The following ADGRB1 variants were observed in gnomAD, a reference collection of about 807,000 sequenced individuals.
ADGRB1 encodes brain-specific angiogenesis inhibitor 1.
Under a neutral mutation model 175.7 loss-of-function variants are expected in ADGRB1, and 36 were observed. The observed-to-expected ratio is 0.20, with a 90% CI of 0.16 to 0.27. The LOEUF (loss-of-function observed/expected upper bound fraction) is 0.27, where lower values mean the gene tolerates loss of function less well. ADGRB1 is among the 10% of genes least tolerant of loss of function. ADGRB1 has a pLI of 1.00. For synonymous variants in ADGRB1, 1,054 were observed against 979.4 expected (o/e 1.08, Z -1.42); for missense variants, 1,731 against 2,255.3 (o/e 0.77, Z 4.71).
At chr8:142,533,496 C>G in intron 25 of ADGRB1, 30 bp downstream of exon 25, 1 of 1,565,658 alleles carries the variant, frequency 6.4e-7, no homozygotes, top group Non-Finnish European at 8.7e-7. Flanking sequence ...TCGGGCCGGG[C>G]TCCTGCGGGG....
chr8:142,544,219 G>T lies in ADGRB1; in HGVS notation c.4558-1G>T. The stretch of plus-strand genomic sequence containing the variant: ...CTCCTGCACCACGGGCCACCCAGCA[G>T]CCGGAAAAGCAGCAGACGCCCAACA... On this transcript the variant is annotated splice_acceptor_variant, in intron 30 of 30. Transcript: ENST00000517894. LOFTEE classifies it high-confidence loss of function. The T allele has an allele frequency of 6.5e-7, 1 of 1,548,606 alleles. No individual in the cohort carries two copies.
At position 142,543,328 on chromosome 8, in the gene ADGRB1, TCA is replaced by T; in HGVS notation, c.4414-74_4414-73del. 6.3e-7 allele frequency: 1 copy of T among 1,584,892 alleles called. No homozygotes were observed. The highest frequency in any genetic ancestry group is 1.3e-5 in the African/African-American group (1 of 74,352). On this transcript the variant is annotated intron_variant, in intron 28 of 30. Transcript: ENST00000517894. The surrounding 1 kb of genome is among the most constrained non-coding windows in gnomAD (Gnocchi z 4.4). Reference sequence around the variant, plus strand: ...TGGGGCGAGTGAGTCCCTGATGCCCTCAGTCTGAGGCAGGGAGAGGCGTGGAC... The same window carrying T: ...TGGGGCGAGTGAGTCCCTGATGCCCTGTCTGAGGCAGGGAGAGGCGTGGAC...
rs116142187 is a variant in ADGRB1, at chr8:142,543,671, C to T, written c.4520C>T (p.Ala1507Val). The change falls in exon 30 of 31, where the codon GCG becomes GTG. Residue 1507 changes from alanine to valine, a missense_variant. Ala to Val is a moderately conservative substitution (Grantham distance 64). Around this residue, in one of 8 missense-constraint regions of ADGRB1, gnomAD observed 394 missense variants for 410.2 expected, o/e 0.96. Coordinates refer to ENST00000517894, the MANE Select transcript of ADGRB1 (RefSeq NM_001702.3). The surrounding 1 kb of genome is among the most constrained non-coding windows in gnomAD (Gnocchi z 4.4). Reference sequence around the variant, plus strand: ...CTGAACCGGAAGCTGCAGCACGCAGCGGAGAAGGACAAGGAGGTGCTGGGG... The same window carrying T: ...CTGAACCGGAAGCTGCAGCACGCAGTGGAGAAGGACAAGGAGGTGCTGGGG... ...QDLNRKLQHA[A>V]EKDKEVLGPD... is the part of the protein sequence containing the mutation. 3.1e-3 allele frequency: 4,045 copies of T among 1,308,636 alleles called. 94 individuals carry two copies. The African/African-American group carries it at 0.058, about 19-fold the overall frequency. 81.1% of individuals were successfully genotyped at this position (1,308,636 alleles called of 1,614,324 possible).
chr8:142,489,460 A>G lies in ADGRB1; in HGVS notation c.2631+22A>G, dbSNP rs370326616. The G allele has an allele frequency of 3.4e-4, 543 of 1,606,578 alleles. 4 individuals carry two copies. In the African/African-American group the frequency reaches 6.4e-3, roughly 19 times the overall value. On this transcript the variant is annotated intron_variant, in intron 16 of 30. Coordinates refer to ENST00000517894, the MANE Select transcript of ADGRB1 (RefSeq NM_001702.3). Reference sequence around the variant, plus strand: ...TAATGTGAGTGCCGTCCACGTGCACACTCTGATGCCAGCAGAAACGCGTGT... The same window carrying G: ...TAATGTGAGTGCCGTCCACGTGCACGCTCTGATGCCAGCAGAAACGCGTGT...
chr8:142,528,550 C>A (rs543618849), intron 24 of ADGRB1, among the ~76,000 whole-genome samples: 4 of 152,070 alleles, frequency 2.6e-5, no homozygotes, highest in Admixed American at 2.6e-4. Context: ...TGCAGTCAGC[C>A]GTCCCCGCAC....
rs781045617 is a variant in ADGRB1, at chr8:142,539,474, C to T, written c.3706+61C>T. On this transcript the variant is annotated intron_variant, in intron 27 of 30. Transcript: ENST00000517894. ...CGGCCCCCTGCATGGCCCCACTCCACGCCTCCGCCTGTGCCTCCCCCACAT... is the reference window on the plus strand; with the variant it reads ...CGGCCCCCTGCATGGCCCCACTCCATGCCTCCGCCTGTGCCTCCCCCACAT... 1.1e-4 allele frequency: 173 copies of T among 1,564,140 alleles called. 1 individual carries two copies. The highest frequency in any genetic ancestry group is 1.4e-4 in the Non-Finnish European group (158 of 1,153,642).
chr8:142,491,817 C>T (rs1157970819), intron 17 of ADGRB1, among the ~76,000 whole-genome samples: 1 of 152,160 alleles, frequency 6.6e-6, no homozygotes, highest in Non-Finnish European at 1.5e-5. Context: ...TGGTCCCTTG[C>T]GTGGTGGGTA....
Position 142,474,492 on chromosome 8 carries a change from G to GA in ADGRB1, c.785-981dup, listed in dbSNP as rs1393074594. On this transcript the variant is annotated intron_variant, in intron 2 of 30. Transcript: ENST00000517894. This position sits in a 1 kb window ranked among gnomAD's most constrained non-coding sequence, Gnocchi z 5.8. ...GCAGGAGGCCCGAGCGGGAGGCCTGGACGCGGCAGCCCCTTCCCGGCCCCC... is the reference window on the plus strand; with the variant it reads ...GCAGGAGGCCCGAGCGGGAGGCCTGGAACGCGGCAGCCCCTTCCCGGCCCCC... Among the ~76,000 whole-genome samples the GA allele has an allele frequency of 6.6e-6, 1 of 152,148 alleles. No individual in the cohort carries two copies. The highest frequency in any genetic ancestry group is 1.5e-5 in the Non-Finnish European group (1 of 68,008).
intron 18 of ADGRB1, among the ~76,000 whole-genome samples, chr8:142,513,764 C>T (rs955090417): frequency 1.6e-4 from 24 of 152,138 alleles, no homozygotes; most frequent in Admixed American, 1.1e-3. Flanking sequence ...GTTTACCAGC[C>T]GAGCATTGTG....
chr8:142,480,662 G>A (rs2131820768), intron 9 of ADGRB1, among the ~76,000 whole-genome samples: 1 of 152,352 alleles, frequency 6.6e-6, no homozygotes, highest in Admixed American at 6.5e-5. Context: ...TCTGCATCCA[G>A]TCCTGTGGCT....
chr8:142,497,320 G>C (rs1030239600), intron 17 of ADGRB1, among the ~76,000 whole-genome samples: 18 of 152,168 alleles, frequency 1.2e-4, no homozygotes, highest in Admixed American at 8.5e-4. Flanking sequence ...CCCTTTAAGA[G>C]CCTCTCCCTC....
intron 19 of ADGRB1, 123 bp downstream of exon 19, chr8:142,518,364 C>T: frequency 9.8e-7 from 1 of 1,021,870 alleles, no homozygotes; most frequent in South Asian, 1.5e-5. Flanking sequence ...CGTTCCCAGT[C>T]ACCTCCGCAT....
At chr8:142,483,423 C>G (rs558044795) in intron 11 of ADGRB1, among the ~76,000 whole-genome samples, 4 of 146,624 alleles carry the variant, frequency 2.7e-5, no homozygotes, top group African/African-American at 1.0e-4. Flanking sequence ...CATGCTGAGT[C>G]CTGACCCTGG....
chr8:142,528,558 C>A (rs1844370974), intron 24 of ADGRB1, among the ~76,000 whole-genome samples: 1 of 152,034 alleles, frequency 6.6e-6, no homozygotes. Flanking sequence ...GCCGTCCCCG[C>A]ACCCCCTCGG....
chr8:142,495,664 T>C (rs1360001474), intron 17 of ADGRB1, among the ~76,000 whole-genome samples: 3 of 152,044 alleles, frequency 2.0e-5, no homozygotes, highest in Admixed American at 2.0e-4. Flanking sequence ...CTGCTGTCTT[T>C]TCCTGGCCTT....
intron 7 of ADGRB1, 53 bp downstream of exon 7, chr8:142,478,413 T>G: frequency 9.2e-6 from 14 of 1,515,608 alleles, no homozygotes; most frequent in African/African-American, 1.4e-5. Context: ...CAGGAGCCTC[T>G]AGGAAGGGGA....
chr8:142,522,806 G>A lies in ADGRB1; in HGVS notation c.3245+96G>A, dbSNP rs546205503. The A allele has an allele frequency of 1.9e-3, 2,346 of 1,267,280 alleles. 4 individuals are homozygous for A. The highest frequency in any genetic ancestry group is 2.2e-3 in the Non-Finnish European group (2,122 of 964,274). 78.5% of individuals were successfully genotyped at this position (1,267,280 alleles called of 1,614,324 possible). ...TGAGGGCTGGCCATGCCCTCCCCCC[G>A]TGTGACCCTGATCATCTCACAGAGG... On this transcript the variant is annotated intron_variant, in intron 22 of 30. Transcript: ENST00000517894.
Position 142,459,608 on chromosome 8 carries a change from C to T in ADGRB1, c.-219-4372C>T, listed in dbSNP as rs368899558. ...CACGAAGCCCAGGCTGTCCCACAGC[C>T]ACGTGGCCTTGTACAAATGTGCCGC... On this transcript the variant is annotated intron_variant, in intron 1 of 30. Transcript: ENST00000517894. Among the ~76,000 whole-genome samples the T allele has an allele frequency of 2.8e-4, 43 of 152,360 alleles. 1 individual carries two copies. In the South Asian group the frequency reaches 7.9e-3, roughly 28 times the overall value.
rs755932905 is a variant in ADGRB1 at position 142,511,814 on chromosome 8, G to A, written c.2817+741G>A. On this transcript the variant is annotated intron_variant, in intron 18 of 30. Coordinates refer to ENST00000517894, the MANE Select transcript of ADGRB1 (RefSeq NM_001702.3). This position sits in a 1 kb window ranked among gnomAD's most constrained non-coding sequence, Gnocchi z 4.5. ...GCCCTCTACTGGGGCCCAGGCCGAG[G>A]CCCAGGACAGCCCACAGAGCAGGAA... 5.3e-5 allele frequency among the ~76,000 whole-genome samples: 8 copies of A among 152,248 alleles called. No homozygotes were observed. The highest frequency in any genetic ancestry group is 1.2e-4 in the Non-Finnish European group (8 of 68,036).
Sources: gnomAD v4.1 joint callset for allele counts (sites outside exome capture counted in the v4.1 genomes callset) on GRCh38, gnomAD v4.1.1 for gene constraint, gnomAD v4.1.1 regional missense constraint, Gnocchi (gnomAD v3.1) non-coding constraint, MANE v1.5 for transcripts, NCBI Gene and HGNC (gene_info 2026-07-23, HGNC 2026-07-21) for gene names.